KIAA2012: variants seen among roughly 807,000 people sequenced by gnomAD.
KIAA2012 encodes the protein uncharacterized protein KIAA2012.
In KIAA2012, 125 loss-of-function variants were observed where a neutral mutation model predicts 150.6. The ratio of observed to expected loss-of-function variants is 0.83; its 90% CI spans 0.72 to 0.96. KIAA2012 has a LOEUF of 0.96. Ranked by LOEUF, KIAA2012 falls within the 40% of genes least tolerant of loss-of-function variation. The pLI, the probability that KIAA2012 is intolerant of heterozygous loss-of-function variation, is 0.00. For synonymous variants in KIAA2012, 462 were observed against 504.7 expected, an observed-to-expected ratio of 0.92 and a Z score of 1.13; for missense variants, 1,219 against 1,354.9, an observed-to-expected ratio of 0.90 and a Z score of 1.57.
intron 12 of KIAA2012, chr2:202,137,286 A>G (rs1426994866): frequency 6.6e-6 from 1 of 151,616 alleles, no homozygotes; most frequent in African/African-American, 2.4e-5. Context: ...TATTCCTCAA[A>G]TAAACATTCC....
intron 9 of KIAA2012, among the ~76,000 whole-genome samples, chr2:202,106,832 A>G (rs1690208313): frequency 6.6e-6 from 1 of 152,208 alleles, no homozygotes; most frequent in African/African-American, 2.4e-5. Context: ...TGGAAGTAAC[A>G]AGCCATATTT....
At chr2:202,150,500 G>C (rs1267089151) in intron 13 of KIAA2012, among the ~76,000 whole-genome samples, 1 of 151,892 alleles carries the variant, frequency 6.6e-6, no homozygotes, top group Non-Finnish European at 1.5e-5. Flanking sequence ...CGAGGCTGGA[G>C]TGCAGTGGCG....
At chr2:202,121,749 C>A (rs1216696011) in intron 11 of KIAA2012, among the ~76,000 whole-genome samples, 1 of 152,218 alleles carries the variant, frequency 6.6e-6, no homozygotes, top group Non-Finnish European at 1.5e-5. Flanking sequence ...CCAGGCACTG[C>A]AGTCACTGCC....
At chr2:202,187,531 T>A (rs999570069) in intron 17 of KIAA2012, among the ~76,000 whole-genome samples, 4 of 152,196 alleles carry the variant, frequency 2.6e-5, no homozygotes, top group African/African-American at 9.7e-5. Context: ...GGTCTCGAAC[T>A]CCTGACCTCA....
At chr2:202,110,610 G>T (rs1451712001) in intron 10 of KIAA2012, among the ~76,000 whole-genome samples, 1 of 152,176 alleles carries the variant, frequency 6.6e-6, no homozygotes, top group East Asian at 1.9e-4. Context: ...AAAGAAAGAG[G>T]TATCTCTGTT....
chr2:202,149,335 G>A (rs1175633738), intron 13 of KIAA2012, among the ~76,000 whole-genome samples: 1 of 152,184 alleles, frequency 6.6e-6, no homozygotes, highest in Non-Finnish European at 1.5e-5. Flanking sequence ...GTTTGATGTG[G>A]CAACTTGAGA....
chr2:202,124,084 T>C (rs1690720048), intron 11 of KIAA2012, among the ~76,000 whole-genome samples: 1 of 152,108 alleles, frequency 6.6e-6, no homozygotes, highest in Non-Finnish European at 1.5e-5. Flanking sequence ...TCCCAGCTAC[T>C]TGGGAGGCTG....
chr2:202,088,371 T>C (rs1307843332), intron 2 of KIAA2012, among the ~76,000 whole-genome samples: 1 of 152,210 alleles, frequency 6.6e-6, no homozygotes. Context: ...ACCTACTATG[T>C]GCATTAAGTA....
chr2:202,131,621 C>T (rs1690930730), intron 12 of KIAA2012, among the ~76,000 whole-genome samples: 1 of 152,200 alleles, frequency 6.6e-6, no homozygotes, highest in Non-Finnish European at 1.5e-5. Context: ...CGAGTTCAGA[C>T]TGACTCAGCC....
chr2:202,138,309 A>T, intron 12 of KIAA2012, 123 bp from the exon 13 acceptor site: 1 of 716,516 alleles, frequency 1.4e-6, no homozygotes, highest in African/African-American at 1.8e-5. Flanking sequence ...CCATGGGTGT[A>T]TATGTGCTTA....
chr2:202,147,383 G>A (rs1691323659), intron 13 of KIAA2012, among the ~76,000 whole-genome samples: 1 of 152,200 alleles, frequency 6.6e-6, no homozygotes. Context: ...CAGGGAATTT[G>A]GGGGCCAGGA....
chr2:202,145,765 A>G (rs1348751550), intron 13 of KIAA2012, among the ~76,000 whole-genome samples: 1 of 143,488 alleles, frequency 7.0e-6, no homozygotes, highest in African/African-American at 2.6e-5. Flanking sequence ...GCCCACTGCA[A>G]CCTCTGCCTC....
intron 15 of KIAA2012, 106 bp from the exon 16 acceptor site, chr2:202,184,647 A>C (rs1692187812): frequency 5.8e-6 from 4 of 683,854 alleles, no homozygotes; most frequent in African/African-American, 1.9e-5. Context: ...CATTGTTCTA[A>C]TTTGCATGCC....
At chr2:202,202,845 T>C (rs535363943) in intron 23 of KIAA2012, among the ~76,000 whole-genome samples, 1 of 151,896 alleles carries the variant, frequency 6.6e-6, no homozygotes, top group South Asian at 2.1e-4. Flanking sequence ...GAGGATCACT[T>C]GAGCCTAAGA....
At chr2:202,142,244 T>TA (rs757559727) in intron 13 of KIAA2012, among the ~76,000 whole-genome samples, 1 of 152,218 alleles carries the variant, frequency 6.6e-6, no homozygotes, top group Non-Finnish European at 1.5e-5. Flanking sequence ...CTGGTATACT[T>TA]ATACACTTCT....
chr2:202,158,235 C>A (rs1357400200), intron 14 of KIAA2012, among the ~76,000 whole-genome samples: 1 of 151,964 alleles, frequency 6.6e-6, no homozygotes, highest in Non-Finnish European at 1.5e-5. Flanking sequence ...ACCTCGCAAT[C>A]CGCCTGTCTC....
chr2:202,124,603 G>A (rs1291635797), intron 11 of KIAA2012, among the ~76,000 whole-genome samples: 4 of 152,180 alleles, frequency 2.6e-5, no homozygotes, highest in East Asian at 1.9e-4. Flanking sequence ...TGTGTCAAAC[G>A]TTAACTGTTT....
At chr2:202,132,262 T>TTTTTA (rs1335006830) in intron 12 of KIAA2012, among the ~76,000 whole-genome samples, 7 of 152,272 alleles carry the variant, frequency 4.6e-5, no homozygotes, top group Non-Finnish European at 8.8e-5. Context: ...CATCACCAGA[T>TTTTTA]TTTTATTTTA....
chr2:202,136,604 C>T (rs1399702595), intron 12 of KIAA2012: 1 of 152,482 alleles, frequency 6.6e-6, no homozygotes, highest in East Asian at 1.9e-4. Context: ...GGGAGCTCAT[C>T]CCCCGATCAA....
Sources: gnomAD v4.1 joint callset for allele counts (sites outside exome capture counted in the v4.1 genomes callset) on GRCh38, gnomAD v4.1.1 for gene constraint, MANE v1.5 for transcripts, NCBI Gene and HGNC (gene_info 2026-07-23, HGNC 2026-07-21) for gene names.